The following ELOVL7 variants were observed in gnomAD, a reference collection of about 807,000 sequenced individuals.
The protein encoded by ELOVL7 is ELOVL fatty acid elongase 7.
A neutral mutation model predicts 35.7 loss-of-function variants in ELOVL7; 27 were observed. The ratio of observed to expected loss-of-function variants is 0.76; its 90% CI spans 0.56 to 1.04. ELOVL7 has a LOEUF of 1.04. Among genes scored for constraint, ELOVL7 ranks in the 50% least tolerant of loss-of-function variants. ELOVL7 has a pLI of 0.00. For synonymous variants in ELOVL7, 113 were observed against 114.6 expected (o/e 0.99, Z 0.09); for missense variants, 327 against 340.8 (o/e 0.96, Z 0.32).
intron 4 of ELOVL7, among the ~76,000 whole-genome samples, chr5:60,770,643 G>A (rs1742521483): frequency 6.6e-6 from 1 of 152,208 alleles, no homozygotes; most frequent in Non-Finnish European, 1.5e-5. Flanking sequence ...AAATAAAATA[G>A]AAGAAATGGA....
At chr5:60,778,340 TAC>T (rs1743035293) in intron 3 of ELOVL7, among the ~76,000 whole-genome samples, 1 of 152,192 alleles carries the variant, frequency 6.6e-6, no homozygotes, top group African/African-American at 2.4e-5. Context: ...AAACCTTAAA[TAC>T]ATGAACATCA....
At chr5:60,810,145 G>C (rs1464305760) in intron 1 of ELOVL7, among the ~76,000 whole-genome samples, 1 of 152,186 alleles carries the variant, frequency 6.6e-6, no homozygotes, top group African/African-American at 2.4e-5. Context: ...TAACACAAAT[G>C]AATCTTTGAA....
Position 60,785,015 on chromosome 5 carries a change from T to C in ELOVL7, c.64+2319A>G, listed in dbSNP as rs572562394. 2.4e-3 allele frequency among the ~76,000 whole-genome samples: 364 copies of C among 152,324 alleles called. 1 individual carries two copies. The highest frequency in any genetic ancestry group is 4.2e-3 in the Non-Finnish European group (289 of 68,032). The stretch of plus-strand genomic sequence containing the variant: ...GTTATCTGGTAGCTGGTAGATGCTA[T>C]TCTCACTTATGTTTTGCTAATAAAG... On this transcript the variant is annotated intron_variant, in intron 3 of 8. Transcript: ENST00000508821.
At chr5:60,817,479 A>T (rs1745578662) in intron 1 of ELOVL7, among the ~76,000 whole-genome samples, 1 of 151,344 alleles carries the variant, frequency 6.6e-6, no homozygotes, top group Non-Finnish European at 1.5e-5. Context: ...GCACTCTCAG[A>T]CATTGCTGAT....
At chr5:60,757,167 G>A (rs1741589750) in intron 8 of ELOVL7, among the ~76,000 whole-genome samples, 1 of 152,072 alleles carries the variant, frequency 6.6e-6, no homozygotes, top group Non-Finnish European at 1.5e-5. Context: ...TTCCCTCAAG[G>A]TCATTTAGAT....
At chr5:60,793,412 A>G (rs923129220) in intron 2 of ELOVL7, among the ~76,000 whole-genome samples, 1 of 152,200 alleles carries the variant, frequency 6.6e-6, no homozygotes, top group Non-Finnish European at 1.5e-5. Context: ...CTAAGCTAGC[A>G]GGCACCAAAT....
intron 8 of ELOVL7, 27 bp downstream of exon 8, chr5:60,757,482 T>C (rs1205137839): frequency 6.2e-7 from 1 of 1,608,716 alleles, no homozygotes; most frequent in South Asian, 1.1e-5. Context: ...GCTTCATATA[T>C]GGTTTTAAAG....
At chr5:60,797,721 C>A (rs1744349276) in intron 2 of ELOVL7, among the ~76,000 whole-genome samples, 1 of 152,228 alleles carries the variant, frequency 6.6e-6, no homozygotes, top group Admixed American at 6.5e-5. Flanking sequence ...GTGAAAGTTT[C>A]TTTTGCTCCA....
intron 1 of ELOVL7, among the ~76,000 whole-genome samples, chr5:60,800,015 C>T (rs1161990567): frequency 3.6e-5 from 5 of 137,038 alleles, no homozygotes; most frequent in South Asian, 2.4e-4. Flanking sequence ...CCAGCCTGGG[C>T]TCAAAACTCC....
At chr5:60,799,045 A>G (rs933094939) in intron 2 of ELOVL7, 135 bp downstream of exon 2, 1 of 152,062 alleles carries the variant, frequency 6.6e-6, no homozygotes, top group African/African-American at 2.4e-5. Context: ...ACAAATCAAT[A>G]ACAGGAAGAA....
At chr5:60,821,871 C>A (rs1745908741) in intron 1 of ELOVL7, among the ~76,000 whole-genome samples, 1 of 152,212 alleles carries the variant, frequency 6.6e-6, no homozygotes, top group South Asian at 2.1e-4. Flanking sequence ...AGGTGAGTCA[C>A]ATGTGGTGCA....
At chr5:60,808,792 A>G (rs752199307) in intron 1 of ELOVL7, among the ~76,000 whole-genome samples, 8 of 152,256 alleles carry the variant, frequency 5.3e-5, no homozygotes, top group Non-Finnish European at 1.2e-4. Flanking sequence ...ACTCAGCAAT[A>G]AAAAGAAAAA....
intron 1 of ELOVL7, among the ~76,000 whole-genome samples, chr5:60,808,982 G>A (rs1745101884): frequency 1.3e-5 from 2 of 152,158 alleles, no homozygotes; most frequent in Admixed American, 1.3e-4. Context: ...TCATTACAAA[G>A]TGCAGCACAA....
intron 1 of ELOVL7, among the ~76,000 whole-genome samples, chr5:60,841,603 G>T (rs1464489579): frequency 6.6e-6 from 1 of 152,158 alleles, no homozygotes; most frequent in African/African-American, 2.4e-5. Flanking sequence ...TTTGTGAAAA[G>T]ATTCCTATTT....
rs541597480 is a variant in ELOVL7, at chr5:60,807,090, G to A, written c.-85-7860C>T. On this transcript the variant is annotated intron_variant, in intron 1 of 8. Transcript: ENST00000508821. ...CTCTTCCCCCAGCTGCACTGGGGAT[G>A]CAAAAGAGCCTGAGAAGCCTCACAA... 7.2e-5 allele frequency among the ~76,000 whole-genome samples: 11 copies of A among 152,252 alleles called. No homozygotes were observed. In the South Asian group the frequency reaches 1.9e-3, roughly 26 times the overall value.
chr5:60,788,183 CTAAA>C (rs1561443029), intron 2 of ELOVL7, among the ~76,000 whole-genome samples: 1 of 151,954 alleles, frequency 6.6e-6, no homozygotes, highest in Non-Finnish European at 1.5e-5. Context: ...ATTTCAGTAA[CTAAA>C]TATTTTAGTA....
intron 3 of ELOVL7, among the ~76,000 whole-genome samples, chr5:60,783,856 T>A (rs539808941): frequency 6.6e-5 from 10 of 152,190 alleles, no homozygotes; most frequent in Non-Finnish European, 1.3e-4. Flanking sequence ...AGGTGCTCTG[T>A]CTTCCCCAGA....
intron 8 of ELOVL7, 70 bp downstream of exon 8, chr5:60,757,439 C>A: frequency 6.7e-7 from 1 of 1,488,286 alleles, no homozygotes. Flanking sequence ...TAACCAGTAT[C>A]CTAATTCACA....
At chr5:60,825,961 G>A (rs1746145217) in intron 1 of ELOVL7, among the ~76,000 whole-genome samples, 2 of 152,270 alleles carry the variant, frequency 1.3e-5, no homozygotes, top group East Asian at 3.8e-4. Context: ...GACAGGAATA[G>A]GGCATGGAGC....
Sources: allele counts gnomAD v4.1 joint callset (sites outside exome capture counted in the v4.1 genomes callset), GRCh38; gene constraint gnomAD v4.1.1; transcripts MANE v1.5; gene names NCBI Gene and HGNC (gene_info 2026-07-23, HGNC 2026-07-21).